Variants in NTRK1 observed in about 807,000 individuals in gnomAD.
NTRK1 encodes neurotrophic receptor tyrosine kinase 1.
In NTRK1, 62 loss-of-function variants were observed where a neutral mutation model predicts 86.8. That is an observed-to-expected ratio of 0.71 (90% CI 0.58 to 0.88). The LOEUF is 0.88. Among genes scored for constraint, NTRK1 ranks in the 40% least tolerant of loss-of-function variants. NTRK1 has a pLI of 0.00. For synonymous variants in NTRK1, 469 were observed against 456.6 expected, an observed-to-expected ratio of 1.03 and a Z score of -0.35; for missense variants, 967 against 1,078.4, an observed-to-expected ratio of 0.90 and a Z score of 1.45.
chr1:156,851,043 C>T (rs116448046), intron 2 of NTRK1: 385 of 540,050 alleles, frequency 7.1e-4, no homozygotes, highest in African/African-American at 6.6e-3. Flanking sequence ...GTGTTCCAGG[C>T]ATTGTTTTAT....
intron 3 of NTRK1, among the ~76,000 whole-genome samples, chr1:156,866,267 G>A (rs1424161825): frequency 6.6e-6 from 1 of 152,222 alleles, no homozygotes; most frequent in Non-Finnish European, 1.5e-5. Context: ...CGGCAGCCTG[G>A]CACAGGGCAC....
At chr1:156,865,088 AGTGCAAAGG>A (rs796444714) in intron 3 of NTRK1, 110 of 479,610 alleles carry the variant, frequency 2.3e-4, no homozygotes, top group African/African-American at 1.9e-3. Flanking sequence ...GATACACACC[AGTGCAAAGG>A]GAGCAAGCGG....
chr1:156,847,244 T>C (rs954450697), intron 2 of NTRK1, among the ~76,000 whole-genome samples: 2 of 152,230 alleles, frequency 1.3e-5, no homozygotes, highest in Admixed American at 1.3e-4. Flanking sequence ...TGTGTTTTTC[T>C]AGAGAGAGTG....
chr1:156,827,217 G>A (rs1654340761), intron 1 of NTRK1, among the ~76,000 whole-genome samples: 1 of 151,540 alleles, frequency 6.6e-6, no homozygotes, highest in African/African-American at 2.4e-5. Flanking sequence ...AAATAGCCGG[G>A]ACCACAGGTG....
upstream of NTRK1, among the ~76,000 whole-genome samples, chr1:156,859,742 C>T (rs1655543728): frequency 6.6e-6 from 1 of 152,166 alleles, no homozygotes; most frequent in South Asian, 2.1e-4. This position sits in a 1 kb window ranked among gnomAD's most constrained non-coding sequence, Gnocchi z 6.2. Flanking sequence ...GGGGGGCCAT[C>T]CGTGCTGGGG....
chr1:156,873,061 G>GTGTT (rs1435611877), intron 7 of NTRK1, among the ~76,000 whole-genome samples: 1 of 148,816 alleles, frequency 6.7e-6, no homozygotes, highest in Admixed American at 6.7e-5. Context: ...GTGTGTGTGT[G>GTGTT]TTTGAAGAGA....
chr1:156,845,028 C>T (rs760905929), intron 2 of NTRK1: 2 of 1,564,138 alleles, frequency 1.3e-6, no homozygotes, highest in Non-Finnish European at 1.7e-6. Context: ...TGCACAGGGT[C>T]CTTGGGGTCG....
At position 156,869,797 on chromosome 1, in the gene NTRK1, C is replaced by T. The variant is rs564968452; in HGVS notation, c.717+1150C>T. Among the ~76,000 whole-genome samples the T allele has an allele frequency of 2.6e-5, 4 of 152,322 alleles. No individual in the cohort carries two copies. The East Asian group carries it at 7.7e-4, about 29-fold the overall frequency. On this transcript the variant is annotated intron_variant, in intron 6 of 16. Transcript: ENST00000524377. Reference sequence around the variant, plus strand: ...TGAGAGTAGCCACAGGTAACTCAGTCGGCCTTGTTGACGAGGTCAACGGCA... The same window carrying T: ...TGAGAGTAGCCACAGGTAACTCAGTTGGCCTTGTTGACGAGGTCAACGGCA...
chr1:156,851,949 C>T lies in NTRK1; in HGVS notation c.50+9756C>T, dbSNP rs1297933087. 5 of 1,605,952 alleles carry T rather than the reference C, an allele frequency of 3.1e-6. No homozygotes were observed. Among genetic ancestry groups the T allele is most frequent in the East Asian group, 2.2e-5 (1 of 44,620 alleles). On this transcript the variant is annotated intron_variant, in intron 2 of 16. Transcript: ENST00000392302. ...GCCAGGCAACTGCCCTGGTGTATGC[C>T]GAAGGTGGAGGCACGGCCGGGCACA...
At chr1:156,871,474 A>G (rs1421499507) in intron 6 of NTRK1, 149 bp from the exon 7 acceptor site, 1 of 768,494 alleles carries the variant, frequency 1.3e-6, no homozygotes, top group South Asian at 1.7e-5. Context: ...ATTATCTGCT[A>G]CATTCTCTCC....
intron 1 of NTRK1, chr1:156,840,934 T>TCTG: frequency 1.2e-6 from 2 of 1,614,058 alleles, no homozygotes; most frequent in Non-Finnish European, 1.7e-6. Flanking sequence ...GGAGTCAGGC[T>TCTG]CTGCATCGGT....
chr1:156,863,998 A>G (rs531280090), intron 1 of NTRK1, among the ~76,000 whole-genome samples: 166 of 152,256 alleles, frequency 1.1e-3, no homozygotes, highest in African/African-American at 3.9e-3. Context: ...GTGCAGGTGC[A>G]TGGCGTCATC....
In NTRK1 at chr1:156,878,492, TGAG is replaced by T. The variant is rs562892722; in HGVS notation, c.1806-626_1806-624del. Among the ~76,000 whole-genome samples, 814 of 152,248 alleles carry T rather than the reference TGAG, an allele frequency of 5.3e-3. 6 individuals are homozygous for T. The highest frequency in any genetic ancestry group is 8.5e-3 in the Non-Finnish European group (581 of 68,014). On this transcript the variant is annotated intron_variant, in intron 14 of 16. Transcript: ENST00000524377. ...TTAACAAATGCCTCAACTAAACAAA[TGAG>T]GAGAAGATTGGCTAGTAGGAAAGGG...
rs1297390807 is a variant in NTRK1 at position 156,876,404 on chromosome 1, T to C, written c.1637T>C (p.Leu546Pro). Residue 546 changes from leucine (L) to proline (P), a missense_variant, in exon 14 of 17, where the codon CTG becomes CCG. Around this residue, in one of 2 missense-constraint regions of NTRK1, gnomAD observed 637 missense variants for 776.5 expected, o/e 0.82. Coordinates refer to ENST00000524377, the MANE Select transcript of NTRK1 (RefSeq NM_002529.4). The stretch of plus-strand genomic sequence containing the variant: ...GTCCCTGCCGCTTCCATCCAGGCAC[T>C]GAAGGAGGCGTCCGAGAGTGCTCGG... Reference protein sequence around the residue: ...QDKMLVAVKALKEASESARQD... With the variant: ...QDKMLVAVKAPKEASESARQD... 3.1e-6 allele frequency: 5 copies of C among 1,613,612 alleles called. No individual in the cohort carries two copies. In the African/African-American group the frequency reaches 5.3e-5, roughly 17 times the overall value.
At chr1:156,852,296 C>T (rs1655253800) in intron 2 of NTRK1, 2 of 1,112,314 alleles carry the variant, frequency 1.8e-6, no homozygotes, top group Admixed American at 5.1e-5. Context: ...ACTCAATCTG[C>T]ACCCAGGTCC....
At chr1:156,858,479 G>T, upstream of NTRK1, 1 of 1,333,532 alleles carries the variant, frequency 7.5e-7, no homozygotes, top group Non-Finnish European at 1.1e-6. Context: ...TCAGTTTTTT[G>T]GCCTCCCAGC....
chr1:156,850,502 C>T (rs12120840), intron 2 of NTRK1, among the ~76,000 whole-genome samples: 12 of 149,746 alleles, frequency 8.0e-5, no homozygotes, highest in East Asian at 3.9e-4. Context: ...CAGGAGCCAC[C>T]GTGCCCGACC....
In NTRK1 at chr1:156,864,707, TC is replaced by T; in HGVS notation, c.288-19del. The stretch of plus-strand genomic sequence containing the variant: ...AGAGTAGCTGAGACCTGGGGACTGA[TC>T]CTCCTGCACCCCTCCCCAGCACCAT... On this transcript the variant is annotated intron_variant, in intron 2 of 16. Coordinates refer to ENST00000524377, the MANE Select transcript of NTRK1 (RefSeq NM_002529.4). 6.2e-7 allele frequency: 1 copy of T among 1,613,504 alleles called. No homozygotes were observed. Among genetic ancestry groups the T allele is most frequent in the Middle Eastern group, 1.6e-4 (1 of 6,062 alleles).
At chr1:156,873,018 AGTGTGTGTGTGTGTGTGTGTGT>A (rs55870362) in intron 7 of NTRK1, among the ~76,000 whole-genome samples, 16 of 131,018 alleles carry the variant, frequency 1.2e-4, no homozygotes, top group African/African-American at 4.6e-4. Flanking sequence ...TTTCAAAAAG[AGTGTGTGTGTGTGTGTGTGTGT>A]GTGTGTGTGT....
Sources: allele counts gnomAD v4.1 joint callset (sites outside exome capture counted in the v4.1 genomes callset), GRCh38; gene constraint gnomAD v4.1.1; regional missense constraint gnomAD v4.1.1; non-coding constraint Gnocchi (gnomAD v3.1); transcripts MANE v1.5; gene names NCBI Gene and HGNC (gene_info 2026-07-23, HGNC 2026-07-21).